The following ZNF469 variants were observed in gnomAD, a reference collection of about 807,000 sequenced individuals.
ZNF469 encodes the protein zinc finger protein 469.
Under a neutral mutation model 1.0 loss-of-function variants are expected in ZNF469, and 1 was observed. The ratio of observed to expected loss-of-function variants is 1.00; its 90% CI spans 0.35 to 4.73. The LOEUF is 4.73. Among genes scored for constraint, ZNF469 ranks in the 30% most tolerant of loss-of-function variants. The pLI is 0.16. For missense variants in ZNF469, 6,100 were observed against 5,356.3 expected, an observed-to-expected ratio of 1.14 and a Z score of -4.33; for synonymous variants, 2,703 against 2,363.4, an observed-to-expected ratio of 1.14 and a Z score of -4.17.
chr16:88,243,929 T>C, the ZNF469 span, among the ~76,000 whole-genome samples: 4 of 98,540 alleles, frequency 4.1e-5, no homozygotes, highest in African/African-American at 1.2e-4. Flanking sequence ...TATATATATA[T>C]ATATATATAT....
chr16:88,221,130 C>T, the ZNF469 span, among the ~76,000 whole-genome samples: 1 of 152,288 alleles, frequency 6.6e-6, no homozygotes, highest in South Asian at 2.1e-4. Context: ...GCCCAGGACA[C>T]AGTGACCCAG....
chr16:88,133,864 CG>C, the ZNF469 span, among the ~76,000 whole-genome samples: 2 of 152,150 alleles, frequency 1.3e-5, no homozygotes, highest in African/African-American at 4.8e-5. Flanking sequence ...GAGGCCGAGG[CG>C]GGTGGATCAC....
chr16:88,368,655 A>C, the ZNF469 span, among the ~76,000 whole-genome samples: 1 of 151,810 alleles, frequency 6.6e-6, no homozygotes, highest in South Asian at 2.1e-4. Flanking sequence ...TAGCCTGGAG[A>C]GAGAGTGGCC....
At chr16:88,293,613 G>A in the ZNF469 span, among the ~76,000 whole-genome samples, 1 of 152,134 alleles carries the variant, frequency 6.6e-6, no homozygotes, top group Non-Finnish European at 1.5e-5. Context: ...CCACCTGAAG[G>A]GGTCTGTACT....
chr16:88,429,460 G>A lies in ZNF469; in HGVS notation c.1990G>A (p.Glu664Lys). Residue 664 changes from glutamate (E) to lysine (K), a missense_variant, in exon 3 of 3, where the codon GAG becomes AAG. Physicochemically the swap from Glu to Lys is moderately conservative, Grantham distance 56 (BLOSUM62 1). Coordinates refer to ENST00000565624, the MANE Select transcript of ZNF469 (RefSeq NM_001367624.2). ...PHSLPTHYQP[E>K]PAKAFPFPAD... ...CTCCCTCCCCACCCACTACCAGCCA[G>A]AGCCAGCCAAGGCCTTCCCTTTTCC... 4.1e-6 allele frequency: 5 copies of A among 1,219,666 alleles called. No homozygotes were observed. The highest frequency in any genetic ancestry group is 5.4e-6 in the Non-Finnish European group (5 of 920,506). The allele number at this position is 1,219,666 out of a possible 1,614,324, so 75.6% of individuals were successfully genotyped here.
Position 88,428,716 on chromosome 16 carries a change from G to A in ZNF469, c.1246G>A (p.Val416Met). ...AGGGCAGGCGTACAGAGCCAGTGGG[G>A]TGGACACCAGCCCGGGGCCTCCGGA... ...FPGQAYRASGVDTSPGPPDTE... is the reference protein window; with the variant it reads ...FPGQAYRASGMDTSPGPPDTE... The change falls in exon 3 of 3, where the codon GTG becomes ATG. Residue 416 changes from valine (V) to methionine (M), a missense_variant. Transcript: ENST00000565624. The A allele has an allele frequency of 6.5e-7, 1 of 1,548,452 alleles. No individual in the cohort carries two copies. The highest frequency in any genetic ancestry group is 1.4e-5 in the African/African-American group (1 of 73,112).
At chr16:88,239,707 ATATATATATTTTTTTTTTTTTT>A in the ZNF469 span, among the ~76,000 whole-genome samples, 21 of 5,396 alleles carry the variant, frequency 3.9e-3, 4 homozygotes, top group East Asian at 0.027. Context: ...ATATATATAT[ATATATATATTTTTTTTTTTTTT>A]TTTTTTTTTT....
At chr16:88,200,082 C>A in the ZNF469 span, among the ~76,000 whole-genome samples, 1 of 151,930 alleles carries the variant, frequency 6.6e-6, no homozygotes, top group African/African-American at 2.4e-5. Flanking sequence ...GGGTCGTGCC[C>A]CGGGGGGAGG....
the ZNF469 span, among the ~76,000 whole-genome samples, chr16:88,186,518 G>C: frequency 6.6e-6 from 1 of 152,166 alleles, no homozygotes; most frequent in Non-Finnish European, 1.5e-5. Context: ...CCCGAAGCCT[G>C]CACTTCAGCC....
the ZNF469 span, among the ~76,000 whole-genome samples, chr16:88,141,472 G>A: frequency 8.4e-6 from 1 of 119,348 alleles, no homozygotes; most frequent in Admixed American, 8.7e-5. Context: ...GCTATGAAAC[G>A]CTCAGCCTGG....
At chr16:88,112,772 C>CTTTTTTTTTTTTTTTTTTTTTTTT in the ZNF469 span, among the ~76,000 whole-genome samples, 1 of 73,484 alleles carries the variant, frequency 1.4e-5, no homozygotes, top group African/African-American at 6.0e-5. Flanking sequence ...TGTGCAGAAG[C>CTTTTTTTTTTTTTTTTTTTTTTTT]TTTTTTTTTT....
At chr16:88,407,143 G>A (rs573741941) in intron 1 of ZNF469, among the ~76,000 whole-genome samples, 89 of 152,310 alleles carry the variant, frequency 5.8e-4, no homozygotes, top group African/African-American at 1.9e-3. Context: ...TGTGCCCGGC[G>A]CTCTGTGGCC....
At chr16:88,244,852 GA>G in the ZNF469 span, among the ~76,000 whole-genome samples, 1 of 147,220 alleles carries the variant, frequency 6.8e-6, no homozygotes, top group Non-Finnish European at 1.5e-5. Flanking sequence ...TATGATTTAG[GA>G]AAGCAGAAAA....
chr16:88,335,455 C>T, the ZNF469 span, among the ~76,000 whole-genome samples: 2 of 152,342 alleles, frequency 1.3e-5, no homozygotes, highest in Admixed American at 1.3e-4. Context: ...CATGGCGAGA[C>T]AGCTGGAACG....
Position 88,436,896 on chromosome 16 carries a change from G to A in ZNF469, c.9426G>A (p.Pro3142=), listed in dbSNP as rs1224172943. ...AGCTGGCCCACACGCCCGCGCCGCC[G>A]CCCACCTGCTACATGTGCGTGGAGC... ...LHKLAHTPAP[P]PTCYMCVERR... The change falls in exon 3 of 3, where the codon CCG becomes CCA. Residue 3142 remains proline (P), a synonymous_variant. Coordinates refer to ENST00000565624, the MANE Select transcript of ZNF469 (RefSeq NM_001367624.2). 2.0e-6 allele frequency: 3 copies of A among 1,502,120 alleles called. No individual in the cohort carries two copies. Among genetic ancestry groups the A allele is most frequent in the East Asian group, 4.9e-5 (2 of 40,432 alleles). The allele number at this position is 1,502,120 out of a possible 1,614,324, so 93.0% of individuals were successfully genotyped here.
At chr16:88,380,406 G>GACATGCACACAC (rs2092518473), upstream of ZNF469, among the ~76,000 whole-genome samples, 1 of 79,668 alleles carries the variant, frequency 1.3e-5, no homozygotes, top group Non-Finnish European at 2.3e-5. Context: ...CCCTCACACA[G>GACATGCACACAC]ACATGCACTC....
chr16:88,315,633 G>A, the ZNF469 span, among the ~76,000 whole-genome samples: 1 of 152,194 alleles, frequency 6.6e-6, no homozygotes, highest in Non-Finnish European at 1.5e-5. Context: ...GGCCATCCTA[G>A]TCCAGGGCTG....
At chr16:88,237,678 T>G in the ZNF469 span, among the ~76,000 whole-genome samples, 518 of 14,986 alleles carry the variant, frequency 0.035, 56 homozygotes, top group South Asian at 0.099. Context: ...CTCCTGCCAC[T>G]CACCCTCCCT....
chr16:88,405,594 C>T (rs954418648), intron 1 of ZNF469, among the ~76,000 whole-genome samples: 1 of 152,166 alleles, frequency 6.6e-6, no homozygotes, highest in Non-Finnish European at 1.5e-5. Flanking sequence ...GACACAGGTC[C>T]CCAGGGAAGT....
Sources: gnomAD v4.1 joint callset for allele counts (sites outside exome capture counted in the v4.1 genomes callset) on GRCh38, gnomAD v4.1.1 for gene constraint, MANE v1.5 for transcripts, NCBI Gene and HGNC (gene_info 2026-07-23, HGNC 2026-07-21) for gene names.